Variants in TRAPPC9 observed in about 807,000 individuals in gnomAD.
TRAPPC9 encodes the protein IKK2 binding protein.
In TRAPPC9, 83 loss-of-function variants were observed where a neutral mutation model predicts 124.0. The ratio of observed to expected loss-of-function variants is 0.67; its 90% CI spans 0.56 to 0.80. TRAPPC9 has a LOEUF of 0.80. Among genes scored for constraint, TRAPPC9 ranks in the 30% least tolerant of loss-of-function variants. TRAPPC9 has a pLI of 0.00. For missense variants in TRAPPC9, 1,302 were observed against 1,508.3 expected (o/e 0.86, Z 2.27); for synonymous variants, 638 against 617.5 (o/e 1.03, Z -0.49).
At chr8:140,453,355 C>A (rs2071537301) in intron 1 of TRAPPC9, among the ~76,000 whole-genome samples, 1 of 152,162 alleles carries the variant, frequency 6.6e-6, no homozygotes, top group African/African-American at 2.4e-5. Context: ...AACTGCATAA[C>A]CTTCAGGTCA....
rs57243402 is a variant in TRAPPC9, at chr8:140,045,631, G to GAAAAAA, written c.2557-21558_2557-21553dup. 9.3e-4 allele frequency among the ~76,000 whole-genome samples: 31 copies of GAAAAAA among 33,260 alleles called. 2 individuals carry two copies. Among genetic ancestry groups the GAAAAAA allele is most frequent in the African/African-American group, 2.6e-3 (30 of 11,476 alleles). 21.8% of individuals were successfully genotyped at this position (33,260 alleles called of 152,430 possible). On this transcript the variant is annotated intron_variant, in intron 17 of 22. Coordinates refer to ENST00000438773, the MANE Select transcript of TRAPPC9 (RefSeq NM_001160372.4). ...GACAGAGCAAGACTCCATCTCGGCA[G>GAAAAAA]AAAAAAAAAAAAAAAAAAAAAAAAA...
intron 21 of TRAPPC9, among the ~76,000 whole-genome samples, chr8:139,798,075 T>C (rs1297143525): frequency 6.6e-6 from 1 of 152,252 alleles, no homozygotes; most frequent in East Asian, 1.9e-4. Context: ...GTGTTGAATC[T>C]GTGGATCAAT....
intron 17 of TRAPPC9, among the ~76,000 whole-genome samples, chr8:140,203,871 C>T (rs1301158553): frequency 1.6e-5 from 2 of 128,766 alleles, no homozygotes; most frequent in Admixed American, 8.2e-5. Flanking sequence ...AGGTATTAAG[C>T]TCCAAAGACT....
chr8:139,899,850 C>A (rs758924766), intron 20 of TRAPPC9, among the ~76,000 whole-genome samples: 2 of 152,166 alleles, frequency 1.3e-5, no homozygotes, highest in Non-Finnish European at 2.9e-5. Flanking sequence ...GGGCTGAGGG[C>A]AGGAGGCTGG....
At chr8:140,426,530 A>G (rs1357918487) in intron 5 of TRAPPC9, 85 bp downstream of exon 5, 1 of 1,304,762 alleles carries the variant, frequency 7.7e-7, no homozygotes, top group African/African-American at 1.5e-5. Context: ...ATCATCATCC[A>G]GAAATTTTAA....
intron 21 of TRAPPC9, among the ~76,000 whole-genome samples, chr8:139,851,249 T>C (rs1827430034): frequency 6.6e-6 from 1 of 152,182 alleles, no homozygotes; most frequent in Non-Finnish European, 1.5e-5. Flanking sequence ...GGGAACAGCA[T>C]ACTTTCTTGA....
chr8:139,985,216 C>T (rs1837169847), intron 19 of TRAPPC9, among the ~76,000 whole-genome samples: 1 of 152,218 alleles, frequency 6.6e-6, no homozygotes, highest in South Asian at 2.1e-4. Flanking sequence ...TTGTTAATGT[C>T]ATCAGCCTCA....
intron 18 of TRAPPC9, among the ~76,000 whole-genome samples, chr8:140,003,581 G>A (rs949622396): frequency 1.5e-4 from 21 of 138,174 alleles, no homozygotes; most frequent in Non-Finnish European, 2.7e-4. Flanking sequence ...CAGCCTGGGT[G>A]ACAGAGTGAG....
At chr8:140,129,274 G>C (rs1563783322) in intron 17 of TRAPPC9, among the ~76,000 whole-genome samples, 1 of 152,048 alleles carries the variant, frequency 6.6e-6, no homozygotes, top group Non-Finnish European at 1.5e-5. Flanking sequence ...GGTGTGTCTG[G>C]CCCCTTGCAA....
At chr8:139,804,432 A>C (rs1268164454) in intron 21 of TRAPPC9, among the ~76,000 whole-genome samples, 1 of 91,780 alleles carries the variant, frequency 1.1e-5, no homozygotes, top group Admixed American at 1.2e-4. Context: ...ACCGCCACCA[A>C]GCACCATCAC....
At chr8:139,999,141 T>C (rs2079399342) in intron 18 of TRAPPC9, among the ~76,000 whole-genome samples, 7 of 152,150 alleles carry the variant, frequency 4.6e-5, no homozygotes, top group Admixed American at 4.6e-4. Flanking sequence ...ACATTAAATA[T>C]AAATGACTTA....
chr8:140,441,590 G>A (rs548090265), intron 2 of TRAPPC9, among the ~76,000 whole-genome samples: 89 of 152,174 alleles, frequency 5.8e-4, no homozygotes, highest in African/African-American at 2.1e-3. Context: ...GGAGGCCAAG[G>A]CAGGAGGATC....
chr8:139,794,750 AG>A (rs1259919328), intron 21 of TRAPPC9, among the ~76,000 whole-genome samples: 1 of 152,132 alleles, frequency 6.6e-6, no homozygotes, highest in Non-Finnish European at 1.5e-5. Flanking sequence ...CCATCCTCAG[AG>A]GGGCTGGCGA....
chr8:140,244,838 C>T (rs1042515682), intron 16 of TRAPPC9, among the ~76,000 whole-genome samples: 4 of 122,410 alleles, frequency 3.3e-5, no homozygotes, highest in Admixed American at 2.2e-4. Flanking sequence ...GACAGAGTTT[C>T]GCTCTGACAC....
Position 139,732,149 on chromosome 8 carries a change from C to T in TRAPPC9, c.3109G>A (p.Val1037Met). The T allele has an allele frequency of 3.1e-6, 5 of 1,604,002 alleles. No individual in the cohort carries two copies. Among genetic ancestry groups the T allele is most frequent in the Non-Finnish European group, 4.2e-6 (5 of 1,177,090 alleles). Residue 1037 changes from valine to methionine, a missense_variant, in exon 22 of 23, where the codon GTG (valine) becomes ATG (methionine). Val to Met is a conservative substitution (Grantham distance 21). Coordinates refer to ENST00000438773, the MANE Select transcript of TRAPPC9 (RefSeq NM_001160372.4). ...CDREAVAACQ[V>M]GDPVRLEVRL... ...ACCTCCAGGCGCACGGGGTCGCCCA[C>T]CTGGCAGGCCGCCACAGCCTCGCGG...
At chr8:139,845,219 G>A (rs1826995499) in intron 21 of TRAPPC9, among the ~76,000 whole-genome samples, 1 of 152,200 alleles carries the variant, frequency 6.6e-6, no homozygotes, top group Admixed American at 6.5e-5. Flanking sequence ...TCTCAGGAAT[G>A]AGGCTAATGC....
chr8:140,217,721 C>A (rs1007539423), intron 17 of TRAPPC9, among the ~76,000 whole-genome samples: 4 of 152,144 alleles, frequency 2.6e-5, no homozygotes, highest in Admixed American at 6.5e-5. Context: ...CTAGTATATT[C>A]AATGCCATGG....
intron 19 of TRAPPC9, among the ~76,000 whole-genome samples, chr8:139,926,274 T>C (rs1832810104): frequency 1.3e-5 from 2 of 152,152 alleles, no homozygotes; most frequent in Admixed American, 6.5e-5. Context: ...CTAACTGGAC[T>C]GAGGACCTGA....
chr8:140,107,161 G>A (rs2060682261), intron 17 of TRAPPC9, among the ~76,000 whole-genome samples: 1 of 152,104 alleles, frequency 6.6e-6, no homozygotes, highest in Non-Finnish European at 1.5e-5. Flanking sequence ...CCACCACCAG[G>A]AGCATATCCT....
Sources: gnomAD v4.1 joint callset for allele counts (sites outside exome capture counted in the v4.1 genomes callset) on GRCh38, gnomAD v4.1.1 for gene constraint, MANE v1.5 for transcripts, NCBI Gene and HGNC (gene_info 2026-07-23, HGNC 2026-07-21) for gene names.